ARID3A: variants seen among roughly 807,000 people sequenced by gnomAD.
The protein encoded by ARID3A is AT-rich interactive domain-containing protein 3A.
A neutral mutation model predicts 52.7 loss-of-function variants in ARID3A; 11 were observed. That is an observed-to-expected ratio of 0.21 (90% confidence interval 0.13 to 0.35). The LOEUF is 0.35. ARID3A is among the 10% of genes least tolerant of loss of function. ARID3A has a pLI of 1.00. For missense variants in ARID3A, 721 were observed against 838.5 expected (o/e 0.86, Z 1.73); for synonymous variants, 404 against 359.4 (o/e 1.12, Z -1.40).
rs1466530256 is a variant in ARID3A, at chr19:938,845, C to T, written c.693+6103C>T. Among the ~76,000 whole-genome samples, 4 of 151,970 alleles carry T rather than the reference C, an allele frequency of 2.6e-5. No homozygotes were observed. Among genetic ancestry groups the T allele is most frequent in the Admixed American group, 6.6e-5 (1 of 15,250 alleles). On this transcript the variant is annotated intron_variant, in intron 3 of 8. Coordinates refer to ENST00000263620, the MANE Select transcript of ARID3A (RefSeq NM_005224.3). This position sits in a 1 kb window ranked among gnomAD's most constrained non-coding sequence, Gnocchi z 4.0. ...GAGACCCCAGCAAGAAACGGGCATC[C>T]GGTTTTTGGTCTTTTTTTGGTCTTT...
Position 971,914 on chromosome 19 carries a change from C to G in ARID3A, c.1631C>G (p.Thr544Ser). 3 of 1,604,338 alleles carry G rather than the reference C, an allele frequency of 1.9e-6. No individual in the cohort carries two copies. In the South Asian group the frequency reaches 3.3e-5, roughly 18 times the overall value. ...GCTCAGCCGCCGGCCCCCACGCCAACCTCTGCTCCCAACAAAGGAGGCGGC... is the reference window on the plus strand; with the variant it reads ...GCTCAGCCGCCGGCCCCCACGCCAAGCTCTGCTCCCAACAAAGGAGGCGGC... ...LFAQPPAPTP[T>S]SAPNKGGGGG... The change falls in exon 9 of 9, where the codon ACC (threonine) becomes AGC (serine). Residue 544 changes from threonine (T) to serine (S), a missense_variant. Physicochemically the swap from Thr to Ser is moderately conservative, Grantham distance 58. This residue lies in a region of ARID3A where 297 missense variants were observed against 343.2 expected (regional missense o/e 0.87). Transcript: ENST00000263620.
rs1308168973 is a variant in ARID3A, at chr19:975,000, A to T, written c.*2935A>T. Reference sequence around the variant, plus strand: ...TGGGGCCCGGTCCTGGATACTCGGCAGGAAGCCGTGTCTGCAGAGGCTCCT... The same window carrying T: ...TGGGGCCCGGTCCTGGATACTCGGCTGGAAGCCGTGTCTGCAGAGGCTCCT... On this transcript the variant is annotated 3_prime_UTR_variant, in exon 9 of 9. Coordinates refer to ENST00000263620, the MANE Select transcript of ARID3A (RefSeq NM_005224.3). The T allele has an allele frequency of 4.3e-6, 1 of 232,178 alleles. No individual in the cohort carries two copies. The highest frequency in any genetic ancestry group is 8.5e-6 in the Non-Finnish European group (1 of 117,452). 14.4% of individuals were successfully genotyped at this position (232,178 alleles called of 1,614,324 possible).
chr19:939,442 G>T (rs372824329), intron 3 of ARID3A, among the ~76,000 whole-genome samples: 2 of 152,140 alleles, frequency 1.3e-5, no homozygotes, highest in African/African-American at 4.8e-5. Context: ...GGTTCCAGAA[G>T]TAACACTTGA....
intron 3 of ARID3A, among the ~76,000 whole-genome samples, chr19:935,830 G>A (rs780798215): frequency 1.7e-4 from 26 of 152,104 alleles, no homozygotes; most frequent in Non-Finnish European, 2.4e-4. Flanking sequence ...TCGCTCTGTC[G>A]CCCAGGCTGG....
rs1287754407 is a variant in ARID3A, at chr19:960,479, G to T, written c.766+315G>T. On this transcript the variant is annotated intron_variant, in intron 4 of 8. Coordinates refer to ENST00000263620, the MANE Select transcript of ARID3A (RefSeq NM_005224.3). This position sits in a 1 kb window ranked among gnomAD's most constrained non-coding sequence, Gnocchi z 4.3. Reference sequence around the variant, plus strand: ...GCATCCAGGGTGCAGTGAAGTGGGGGTCCCCACTACTGGGTAATGGGGGAG... The same window carrying T: ...GCATCCAGGGTGCAGTGAAGTGGGGTTCCCCACTACTGGGTAATGGGGGAG... Among the ~76,000 whole-genome samples, 2 of 152,086 alleles carry T rather than the reference G, an allele frequency of 1.3e-5. No individual in the cohort carries two copies. The highest frequency in any genetic ancestry group is 1.3e-4 in the Admixed American group (2 of 15,274).
At position 966,816 on chromosome 19, in the gene ARID3A, C is replaced by T; in HGVS notation, c.1443C>T (p.Asn481=). The change falls in exon 7 of 9, where the codon AAC becomes AAT. Residue 481 remains asparagine (N), a synonymous_variant. Coordinates refer to ENST00000263620, the MANE Select transcript of ARID3A (RefSeq NM_005224.3). ...TGATGCAACGTGCACTCCAGCAGAA[C>T]TTCCTGGCCATGGCGGCCCAGCTGC... ...QRLMQRALQQ[N]FLAMAAQLPM... is the part of the protein sequence containing the mutation. 6.2e-7 allele frequency: 1 copy of T among 1,613,558 alleles called. No homozygotes were observed. Among genetic ancestry groups the T allele is most frequent in the Non-Finnish European group, 8.5e-7 (1 of 1,179,880 alleles).
At chr19:956,265 C>T (rs1365201385) in intron 3 of ARID3A, among the ~76,000 whole-genome samples, 6 of 152,186 alleles carry the variant, frequency 3.9e-5, no homozygotes, top group African/African-American at 1.4e-4. Context: ...TCCGCCCTGT[C>T]CCCCTCTCCG....
At chr19:948,257 A>G (rs2037728878) in intron 3 of ARID3A, among the ~76,000 whole-genome samples, 2 of 151,044 alleles carry the variant, frequency 1.3e-5, no homozygotes, top group South Asian at 4.2e-4. Flanking sequence ...CAGGACACAC[A>G]GGAGGTGCTC....
At position 964,866 on chromosome 19, in the gene ARID3A, G is replaced by A; in HGVS notation, c.984G>A (p.Glu328=). ...AGTACCTGTACCCCTACGAGTGTGA[G>A]AAGCGGGGCCTCAGTAACCCCAATG... The part of the protein sequence containing the change: ...YMKYLYPYEC[E]KRGLSNPNEL... The change falls in exon 6 of 9, where the codon GAG becomes GAA. Residue 328 remains glutamate (E), a synonymous_variant. Coordinates refer to ENST00000263620, the MANE Select transcript of ARID3A (RefSeq NM_005224.3). This position sits in a 1 kb window ranked among gnomAD's most constrained non-coding sequence, Gnocchi z 5.7. 2.5e-6 allele frequency: 4 copies of A among 1,614,030 alleles called. No homozygotes were observed. Among genetic ancestry groups the A allele is most frequent in the Non-Finnish European group, 3.4e-6 (4 of 1,180,006 alleles).
At chr19:934,169 C>T (rs1188070515) in intron 3 of ARID3A, among the ~76,000 whole-genome samples, 1 of 152,186 alleles carries the variant, frequency 6.6e-6, no homozygotes, top group Non-Finnish European at 1.5e-5. Context: ...CGGACGGAGA[C>T]CTCCATCCCC....
In ARID3A at chr19:961,029, C is replaced by T. The variant is rs112790189; in HGVS notation, c.766+865C>T. ...GTCTCGCCTCCAAGTCCTCGTCGGC[C>T]GGAGAGGGTCCTAGGAGCGTCTGCT... On this transcript the variant is annotated intron_variant, in intron 4 of 8. Transcript: ENST00000263620. Among the ~76,000 whole-genome samples the T allele has an allele frequency of 6.6e-5, 10 of 152,280 alleles. 1 individual carries two copies. The highest frequency in any genetic ancestry group is 1.7e-4 in the African/African-American group (7 of 41,556).
chr19:926,986 C>T (rs1360422635), intron 1 of ARID3A, among the ~76,000 whole-genome samples: 4 of 151,828 alleles, frequency 2.6e-5, no homozygotes, highest in Non-Finnish European at 5.9e-5. Flanking sequence ...TTTCTCACTT[C>T]CTCCAGGCCC....
At position 965,027 on chromosome 19, in the gene ARID3A, T is replaced by C. The variant is rs751208667; in HGVS notation, c.1145T>C (p.Leu382Pro). Residue 382 changes from leucine (L) to proline (P), a missense_variant, in exon 6 of 9, where the codon CTG becomes CCG. Leu to Pro is a moderately conservative substitution (Grantham distance 98). This residue lies in a region of ARID3A where 297 missense variants were observed against 343.2 expected (regional missense o/e 0.87). Coordinates refer to ENST00000263620, the MANE Select transcript of ARID3A (RefSeq NM_005224.3). ...SPKLPVSSLG[L>P]AASTNGSSIT... is the part of the protein sequence containing the mutation. ...AAGCTACCCGTGTCCTCCCTGGGCC[T>C]GGCCGCAAGCACCAATGGCAGCTCC... is the stretch of plus-strand genomic sequence containing the variant. 6.2e-7 allele frequency: 1 copy of C among 1,612,996 alleles called. No homozygotes were observed. Among genetic ancestry groups the C allele is most frequent in the Non-Finnish European group, 8.5e-7 (1 of 1,179,444 alleles).
chr19:972,565 C>T lies in ARID3A; in HGVS notation c.*500C>T, dbSNP rs1325267561. 4.6e-6 allele frequency: 1 copy of T among 218,244 alleles called. No individual in the cohort carries two copies. The highest frequency in any genetic ancestry group is 6.6e-5 in the East Asian group (1 of 15,088). 13.5% of individuals were successfully genotyped at this position (218,244 alleles called of 1,614,324 possible). On this transcript the variant is annotated 3_prime_UTR_variant, in exon 9 of 9. Coordinates refer to ENST00000263620, the MANE Select transcript of ARID3A (RefSeq NM_005224.3). ...CACACACTCACCACTCCCAGCTTCT[C>T]GTGTCCAGTGAAACCCCTGAACCAA...
intron 3 of ARID3A, among the ~76,000 whole-genome samples, chr19:954,075 G>A (rs781496199): frequency 6.6e-6 from 1 of 152,150 alleles, no homozygotes; most frequent in Non-Finnish European, 1.5e-5. Flanking sequence ...GCTCAAGGCC[G>A]GGGCGGAGGG....
At chr19:935,822 G>A (rs921161518) in intron 3 of ARID3A, among the ~76,000 whole-genome samples, 6 of 151,882 alleles carry the variant, frequency 4.0e-5, no homozygotes, top group Non-Finnish European at 7.4e-5. Context: ...ACGGAGTCTC[G>A]CTCTGTCGCC....
At chr19:952,580 C>T (rs959281105) in intron 3 of ARID3A, among the ~76,000 whole-genome samples, 3 of 151,886 alleles carry the variant, frequency 2.0e-5, no homozygotes, top group South Asian at 2.1e-4. Flanking sequence ...AGTCCCCAAA[C>T]GCTAGACACT....
In ARID3A at chr19:938,930, C is replaced by CTTT. The variant is rs5826711; in HGVS notation, c.693+6204_693+6206dup. On this transcript the variant is annotated intron_variant, in intron 3 of 8. Transcript: ENST00000263620. This position sits in a 1 kb window ranked among gnomAD's most constrained non-coding sequence, Gnocchi z 4.0. The stretch of plus-strand genomic sequence containing the variant: ...CACATAGATACATTATTTTATCTCT[C>CTTT]TTTTTTTTTTTTTTTTTTGAGACGG... 7.8e-6 allele frequency among the ~76,000 whole-genome samples: 1 copy of CTTT among 128,188 alleles called. No homozygotes were observed. The highest frequency in any genetic ancestry group is 3.0e-5 in the African/African-American group (1 of 32,828). 84.1% of individuals were successfully genotyped at this position (128,188 alleles called of 152,430 possible). A position where few individuals can be genotyped will look rare whatever the true frequency, so the allele number is the denominator to read the frequency against.
At position 965,036 on chromosome 19, in the gene ARID3A, G is replaced by T. The variant is rs1288498751; in HGVS notation, c.1154G>T (p.Ser385Ile). The part of the protein sequence containing the change: ...LPVSSLGLAA[S>I]TNGSSITPAP... ...GTGTCCTCCCTGGGCCTGGCCGCAA[G>T]CACCAATGGCAGCTCCATCACCCCC... is the stretch of plus-strand genomic sequence containing the variant. Residue 385 changes from serine (S) to isoleucine (I), a missense_variant, in exon 6 of 9, where the codon AGC becomes ATC. By Grantham distance (142) the Ser-to-Ile change is moderately radical. Coordinates refer to ENST00000263620, the MANE Select transcript of ARID3A (RefSeq NM_005224.3). 6.2e-7 allele frequency: 1 copy of T among 1,612,918 alleles called. No individual in the cohort carries two copies. The highest frequency in any genetic ancestry group is 1.7e-5 in the Admixed American group (1 of 60,008).
Sources: gnomAD v4.1 joint callset for allele counts (sites outside exome capture counted in the v4.1 genomes callset) on GRCh38, gnomAD v4.1.1 for gene constraint, gnomAD v4.1.1 regional missense constraint, Gnocchi (gnomAD v3.1) non-coding constraint, MANE v1.5 for transcripts, NCBI Gene and HGNC (gene_info 2026-07-23, HGNC 2026-07-21) for gene names.